Variants in ZNF148 observed in about 807,000 individuals in gnomAD.
The protein encoded by ZNF148 is Beta-Enolase Repressor Factor-1.
A neutral mutation model predicts 67.7 loss-of-function variants in ZNF148; 7 were observed. The ratio of observed to expected loss-of-function variants is 0.10; its 90% CI spans 0.06 to 0.19. The LOEUF is 0.19. Ranked by LOEUF, ZNF148 falls within the 10% of genes least tolerant of loss-of-function variation. The probability of loss-of-function intolerance (pLI) is 1.00; values close to 1 mark genes in which losing one functional copy is unlikely to be tolerated. For synonymous variants in ZNF148, 333 were observed against 330.7 expected (o/e 1.01, Z -0.08); for missense variants, 583 against 947.1 (o/e 0.62, Z 5.05).
Position 125,313,292 on chromosome 3 carries a change from T to C in ZNF148, c.333+16A>G, listed in dbSNP as rs1238493730. 6.3e-7 allele frequency: 1 copy of C among 1,580,906 alleles called. No homozygotes were observed. The highest frequency in any genetic ancestry group is 1.7e-5 in the Admixed American group (1 of 57,162). ...TTATGTTTCTAAGTTTAATATCTTA[T>C]AAAGGAATTACTTACAGGGACATTA... On this transcript the variant is annotated intron_variant, in intron 4 of 8. Coordinates refer to ENST00000360647, the MANE Select transcript of ZNF148 (RefSeq NM_021964.3).
intron 7 of ZNF148, among the ~76,000 whole-genome samples, chr3:125,238,215 C>A (rs567163425): frequency 6.6e-6 from 1 of 152,180 alleles, no homozygotes; most frequent in South Asian, 2.1e-4. Context: ...ATCCTTATGA[C>A]CTTAGTTAGG....
At position 125,287,376 on chromosome 3, in the gene ZNF148, C is replaced by T. The variant is rs556568763; in HGVS notation, c.459+727G>A. 5.9e-5 allele frequency among the ~76,000 whole-genome samples: 9 copies of T among 152,296 alleles called. No individual in the cohort carries two copies. In the South Asian group the frequency reaches 6.2e-4, roughly 11 times the overall value. ...AAAACAGGCCAGGAGTGGTGGCTCA[C>T]GCCTGTAATCCTAATACTTTGGGAG... is the stretch of plus-strand genomic sequence containing the variant. On this transcript the variant is annotated intron_variant, in intron 5 of 8. Transcript: ENST00000360647.
intron 1 of ZNF148, among the ~76,000 whole-genome samples, chr3:125,339,603 T>C (rs1053089175): frequency 6.6e-6 from 1 of 152,190 alleles, no homozygotes; most frequent in Non-Finnish European, 1.5e-5. Flanking sequence ...GGTTTATAAG[T>C]GAAGCACACA....
chr3:125,260,074 T>C (rs1019396010), intron 7 of ZNF148, among the ~76,000 whole-genome samples: 5 of 152,144 alleles, frequency 3.3e-5, no homozygotes, highest in Non-Finnish European at 7.3e-5. Flanking sequence ...ACAACACTTA[T>C]CGATTAAGTT....
intron 4 of ZNF148, among the ~76,000 whole-genome samples, chr3:125,299,334 C>G (rs1338291051): frequency 1.3e-5 from 2 of 152,070 alleles, no homozygotes; most frequent in East Asian, 3.9e-4. Context: ...TCAGACAGAA[C>G]TATATTAAGA....
intron 5 of ZNF148, among the ~76,000 whole-genome samples, chr3:125,279,507 G>A (rs931862634): frequency 6.6e-6 from 1 of 152,106 alleles, no homozygotes; most frequent in African/African-American, 2.4e-5. Context: ...CTTCTCCTCT[G>A]TAATGCTTAT....
chr3:125,371,787 G>A (rs188568837), intron 1 of ZNF148, among the ~76,000 whole-genome samples: 71 of 151,978 alleles, frequency 4.7e-4, no homozygotes, highest in African/African-American at 1.6e-3. Flanking sequence ...CAATCAGGCC[G>A]GGCGCGGAGA....
intron 1 of ZNF148, among the ~76,000 whole-genome samples, chr3:125,368,510 G>A (rs1283964768): frequency 6.6e-6 from 1 of 152,176 alleles, no homozygotes; most frequent in Non-Finnish European, 1.5e-5. Flanking sequence ...TGATTAACTG[G>A]ATTTAAGGCA....
intron 5 of ZNF148, among the ~76,000 whole-genome samples, chr3:125,287,837 CA>C (rs1272840601): frequency 6.6e-6 from 1 of 151,920 alleles, no homozygotes; most frequent in Non-Finnish European, 1.5e-5. Flanking sequence ...AAAACTAATA[CA>C]AATGAGAAGA....
At chr3:125,307,906 C>T (rs777397305) in intron 4 of ZNF148, among the ~76,000 whole-genome samples, 9 of 151,334 alleles carry the variant, frequency 5.9e-5, no homozygotes, top group Non-Finnish European at 1.0e-4. Flanking sequence ...TTGCCTGCCT[C>T]GGCCCCCTAA....
chr3:125,329,899 G>A (rs964463433), intron 2 of ZNF148, among the ~76,000 whole-genome samples: 14 of 152,010 alleles, frequency 9.2e-5, no homozygotes, highest in Non-Finnish European at 1.8e-4. Context: ...GTAAAAAAAT[G>A]TGTAAATATA....
At chr3:125,358,466 T>C (rs1260592935) in intron 1 of ZNF148, among the ~76,000 whole-genome samples, 1 of 152,240 alleles carries the variant, frequency 6.6e-6, no homozygotes, top group Non-Finnish European at 1.5e-5. Flanking sequence ...GTTTTTCTTG[T>C]CTGTTCTCAT....
chr3:125,336,762 C>A (rs13079615), intron 1 of ZNF148, among the ~76,000 whole-genome samples: 1 of 142,736 alleles, frequency 7.0e-6, no homozygotes, highest in Non-Finnish European at 1.5e-5. Flanking sequence ...CCACAACCTC[C>A]ACCTCCCAGG....
chr3:125,268,027 A>G (rs369720548), intron 7 of ZNF148, among the ~76,000 whole-genome samples: 11 of 152,140 alleles, frequency 7.2e-5, no homozygotes, highest in African/African-American at 2.7e-4. Context: ...AAAGATCTCT[A>G]TAAGAAGAAC....
intron 7 of ZNF148, among the ~76,000 whole-genome samples, chr3:125,257,593 CT>C (rs1457693441): frequency 7.0e-6 from 1 of 142,840 alleles, no homozygotes; most frequent in Non-Finnish European, 1.5e-5. Flanking sequence ...TTCACCCTTT[CT>C]TCTCCAGAGC....
chr3:125,363,534 C>T (rs1279745672), intron 1 of ZNF148, among the ~76,000 whole-genome samples: 1 of 152,242 alleles, frequency 6.6e-6, no homozygotes, highest in Non-Finnish European at 1.5e-5. Flanking sequence ...TTTTTCTCTA[C>T]TGTTTCCCAA....
chr3:125,281,690 T>C (rs1353068345), intron 5 of ZNF148, among the ~76,000 whole-genome samples: 4 of 152,232 alleles, frequency 2.6e-5, no homozygotes, highest in Non-Finnish European at 5.9e-5. Flanking sequence ...CCTTTCATTG[T>C]AGATTCAAGC....
intron 4 of ZNF148, among the ~76,000 whole-genome samples, chr3:125,307,801 T>G (rs1057345949): frequency 7.1e-6 from 1 of 140,450 alleles, no homozygotes; most frequent in Non-Finnish European, 1.5e-5. Flanking sequence ...CACACCACCA[T>G]GCCCAGATAA....
chr3:125,269,418 C>T (rs1273894357), intron 7 of ZNF148, among the ~76,000 whole-genome samples: 3 of 148,254 alleles, frequency 2.0e-5, no homozygotes, highest in Non-Finnish European at 3.0e-5. Flanking sequence ...TACTATCTCA[C>T]ATCCCTAAGA....
Sources: gnomAD v4.1 joint callset for allele counts (sites outside exome capture counted in the v4.1 genomes callset) on GRCh38, gnomAD v4.1.1 for gene constraint, MANE v1.5 for transcripts, NCBI Gene and HGNC (gene_info 2026-07-23, HGNC 2026-07-21) for gene names.